The following SOX5 variants were observed in gnomAD, a reference collection of about 807,000 sequenced individuals.
SOX5 encodes transcription factor SOX-5.
In SOX5, 9 loss-of-function variants were observed where a neutral mutation model predicts 92.0. The observed-to-expected ratio is 0.10, with a 90% CI of 0.06 to 0.17. The LOEUF (loss-of-function observed/expected upper bound fraction) is 0.17. Among genes scored for constraint, SOX5 ranks in the 10% least tolerant of loss-of-function variants. The probability of loss-of-function intolerance (pLI) is 1.00; values close to 1 mark genes in which losing one functional copy is unlikely to be tolerated. For missense variants in SOX5, 642 were observed against 944.5 expected, an observed-to-expected ratio of 0.68 and a Z score of 4.20; for synonymous variants, 344 against 336.3, an observed-to-expected ratio of 1.02 and a Z score of -0.25.
chr12:24,153,555 CCTAT>C (rs1951867159), intron 4 of SOX5, among the ~76,000 whole-genome samples: 3 of 152,034 alleles, frequency 2.0e-5, no homozygotes, highest in Admixed American at 6.6e-5. Flanking sequence ...CATGACCTAC[CCTAT>C]CTATGTCCTG....
At chr12:24,513,987 G>A (rs1442966171) in intron 1 of SOX5, among the ~76,000 whole-genome samples, 2 of 152,178 alleles carry the variant, frequency 1.3e-5, no homozygotes, top group South Asian at 4.1e-4. Flanking sequence ...ATTAATATCT[G>A]AGAGTTTTTG....
At chr12:24,146,213 TAC>T (rs34368953) in intron 4 of SOX5, among the ~76,000 whole-genome samples, 4,972 of 152,254 alleles carry the variant, frequency 0.033, 99 homozygotes, top group South Asian at 0.07. Context: ...ATGGAATATT[TAC>T]AGAGTCCATA....
At chr12:23,659,681 G>A (rs553481311) in intron 7 of SOX5, among the ~76,000 whole-genome samples, 39 of 152,222 alleles carry the variant, frequency 2.6e-4, no homozygotes, top group African/African-American at 8.2e-4. Context: ...AACAGAAAAA[G>A]TTTAAAACTG....
chr12:24,110,836 G>A (rs1947243860), intron 4 of SOX5, among the ~76,000 whole-genome samples: 1 of 141,566 alleles, frequency 7.1e-6, no homozygotes, highest in Non-Finnish European at 1.5e-5. Flanking sequence ...AGGAGGCGGA[G>A]CTTGCAGTGA....
intron 4 of SOX5, among the ~76,000 whole-genome samples, chr12:23,998,309 T>C (rs953373752): frequency 1.3e-5 from 2 of 152,156 alleles, no homozygotes; most frequent in Non-Finnish European, 2.9e-5. Flanking sequence ...AAAATTTTAC[T>C]GGAGGGGCTC....
At chr12:23,858,421 C>T (rs1005454506) in intron 2 of SOX5, among the ~76,000 whole-genome samples, 1 of 151,918 alleles carries the variant, frequency 6.6e-6, no homozygotes, top group Non-Finnish European at 1.5e-5. Context: ...CGCACATGCA[C>T]CCAACAAGCA....
rs772255622 is a variant in SOX5, at chr12:23,608,115, G to GAAAAAAAA, written c.1018-3590_1018-3583dup. On this transcript the variant is annotated intron_variant, in intron 8 of 14. Coordinates refer to ENST00000451604, the MANE Select transcript of SOX5 (RefSeq NM_006940.6). Reference sequence around the variant, plus strand: ...TGAGACGTTGTCTCAAAAGAAAAAAGAAAAAAAAAAAAAAAAAAAAAAAAA... The same window carrying GAAAAAAAA: ...TGAGACGTTGTCTCAAAAGAAAAAAGAAAAAAAAAAAAAAAAAAAAAAAAAAAAAAAAA... Among the ~76,000 whole-genome samples the GAAAAAAAA allele has an allele frequency of 1.9e-3, 84 of 44,094 alleles. 3 individuals carry two copies. The highest frequency in any genetic ancestry group is 3.5e-3 in the South Asian group (3 of 864). The allele number at this position is 44,094 out of a possible 152,430, so 28.9% of individuals were successfully genotyped here. A position where few individuals can be genotyped will look rare whatever the true frequency, so the allele number is the denominator to read the frequency against.
intron 3 of SOX5, among the ~76,000 whole-genome samples, chr12:23,822,726 C>T (rs575305063): frequency 6.6e-6 from 1 of 152,192 alleles, no homozygotes; most frequent in African/African-American, 2.4e-5. Context: ...GCTAAAGTCT[C>T]CCACTATTAT....
intron 1 of SOX5, among the ~76,000 whole-genome samples, chr12:24,496,341 A>G (rs1947635736): frequency 6.6e-6 from 1 of 152,212 alleles, no homozygotes; most frequent in Non-Finnish European, 1.5e-5. Flanking sequence ...CTTTCACTCC[A>G]TGAAAAGAAC....
intron 2 of SOX5, among the ~76,000 whole-genome samples, chr12:24,342,082 C>T (rs1471801886): frequency 1.3e-5 from 2 of 152,178 alleles, no homozygotes; most frequent in African/African-American, 2.4e-5. Context: ...CAATTTACTG[C>T]CACATATGGT....
At chr12:23,819,405 T>A (rs545426147) in intron 3 of SOX5, among the ~76,000 whole-genome samples, 1 of 152,068 alleles carries the variant, frequency 6.6e-6, no homozygotes, top group Non-Finnish European at 1.5e-5. Flanking sequence ...AGTGAAAAAA[T>A]TGCTCTCTAA....
intron 1 of SOX5, among the ~76,000 whole-genome samples, chr12:24,391,728 T>C (rs1190365527): frequency 6.6e-6 from 1 of 152,212 alleles, no homozygotes; most frequent in Non-Finnish European, 1.5e-5. Context: ...GAACCCATAC[T>C]GGCTTCTGGT....
At chr12:24,526,347 G>A (rs1302437839) in intron 1 of SOX5, among the ~76,000 whole-genome samples, 1 of 152,120 alleles carries the variant, frequency 6.6e-6, no homozygotes, top group African/African-American at 2.4e-5. Context: ...GCGGAGAGAA[G>A]AACGTGGGTG....
chr12:23,762,836 T>A (rs182203818), intron 3 of SOX5, among the ~76,000 whole-genome samples: 7 of 152,254 alleles, frequency 4.6e-5, no homozygotes. Flanking sequence ...TACATATCAA[T>A]AACCTTAGGT....
intron 1 of SOX5, among the ~76,000 whole-genome samples, chr12:24,407,857 C>T (rs552694677): frequency 4.6e-5 from 7 of 152,036 alleles, no homozygotes; most frequent in Admixed American, 3.3e-4. Context: ...AAAGAGGAAA[C>T]GTAGTAGGGA....
chr12:24,002,398 T>C (rs760206803), intron 4 of SOX5, among the ~76,000 whole-genome samples: 11 of 152,014 alleles, frequency 7.2e-5, no homozygotes, highest in African/African-American at 2.4e-4. Flanking sequence ...ACTGACCTTA[T>C]AGAAATACAA....
chr12:24,469,004 T>G (rs1273601964), intron 1 of SOX5, among the ~76,000 whole-genome samples: 5 of 152,176 alleles, frequency 3.3e-5, no homozygotes, highest in African/African-American at 4.8e-5. Context: ...GCACTTTATT[T>G]CCACTATTAT....
chr12:23,746,632 C>T (rs1021468018), intron 4 of SOX5, among the ~76,000 whole-genome samples: 1 of 152,148 alleles, frequency 6.6e-6, no homozygotes, highest in Non-Finnish European at 1.5e-5. Flanking sequence ...GCAGGCATAG[C>T]AGTCATTTAT....
At chr12:24,246,092 T>C (rs906033177) in intron 3 of SOX5, among the ~76,000 whole-genome samples, 8 of 152,204 alleles carry the variant, frequency 5.3e-5, no homozygotes, top group African/African-American at 1.9e-4. Flanking sequence ...AATCTAGACC[T>C]TCGACATTAC....
Sources: allele counts gnomAD v4.1 joint callset (sites outside exome capture counted in the v4.1 genomes callset), GRCh38; gene constraint gnomAD v4.1.1; transcripts MANE v1.5; gene names NCBI Gene and HGNC (gene_info 2026-07-23, HGNC 2026-07-21).